ABCA12: variants seen among roughly 807,000 people sequenced by gnomAD.
ABCA12 encodes ATP binding cassette subfamily A member 12.
Under a neutral mutation model 293.5 loss-of-function variants are expected in ABCA12, and 156 were observed. That is an observed-to-expected ratio of 0.53 (90% CI 0.47 to 0.61). The LOEUF is 0.61. ABCA12 is among the 20% of genes least tolerant of loss of function. The pLI is 0.00. For synonymous variants in ABCA12, 1,063 were observed against 1,108.0 expected (o/e 0.96, Z 0.81); for missense variants, 2,797 against 3,090.2 (o/e 0.91, Z 2.25).
In ABCA12 at chr2:215,090,691, C is replaced by T. The variant is rs191713942; in HGVS notation, c.163+20906G>A. Among the ~76,000 whole-genome samples the T allele has an allele frequency of 3.9e-4, 60 of 152,182 alleles. 1 individual carries two copies. In the South Asian group the frequency reaches 1.0e-2, roughly 25 times the overall value. On this transcript the variant is annotated intron_variant, in intron 2 of 52. Transcript: ENST00000272895. Reference sequence around the variant, plus strand: ...ACTTTTCAGAGGTGTCTGATCACCACGGGGATGCCTGTCTTGATCCTTCAC... The same window carrying T: ...ACTTTTCAGAGGTGTCTGATCACCATGGGGATGCCTGTCTTGATCCTTCAC...
intron 2 of ABCA12, among the ~76,000 whole-genome samples, chr2:215,103,639 T>C (rs1291399569): frequency 6.6e-6 from 1 of 152,090 alleles, no homozygotes; most frequent in Admixed American, 6.6e-5. Flanking sequence ...GATACTAGAT[T>C]AGCTTCATGA....
intron 49 of ABCA12, among the ~76,000 whole-genome samples, chr2:214,944,730 G>A (rs1215403670): frequency 6.6e-6 from 1 of 151,980 alleles, no homozygotes; most frequent in East Asian, 1.9e-4. Flanking sequence ...CTTAGACTCC[G>A]TCCCACCACA....
intron 1 of ABCA12, among the ~76,000 whole-genome samples, chr2:215,133,209 C>T (rs1208974372): frequency 9.8e-6 from 1 of 102,012 alleles, no homozygotes; most frequent in East Asian, 3.6e-4. Context: ...TTTGGATGAT[C>T]TGGTGACTAC....
intron 2 of ABCA12, among the ~76,000 whole-genome samples, chr2:215,081,806 C>G (rs1523715): frequency 6.6e-6 from 1 of 151,892 alleles, no homozygotes; most frequent in African/African-American, 2.4e-5. Context: ...AGAAAGAGAC[C>G]TGGAAGACAA....
intron 7 of ABCA12, among the ~76,000 whole-genome samples, chr2:215,043,717 A>T (rs555050048): frequency 6.6e-6 from 1 of 152,242 alleles, no homozygotes; most frequent in African/African-American, 2.4e-5. Flanking sequence ...GTATAAACTT[A>T]CGGGGTACAA....
chr2:215,073,808 T>C (rs1350254601), intron 2 of ABCA12, among the ~76,000 whole-genome samples: 1 of 152,190 alleles, frequency 6.6e-6, no homozygotes, highest in East Asian at 1.9e-4. Context: ...GAGGATTTAA[T>C]TCCTCTCCTG....
At chr2:214,938,778 A>G (rs575344246) in intron 50 of ABCA12, among the ~76,000 whole-genome samples, 2 of 152,178 alleles carry the variant, frequency 1.3e-5, no homozygotes, top group Non-Finnish European at 2.9e-5. Context: ...GTGTCTGTTC[A>G]TATCCTTTGA....
At chr2:215,041,860 C>T (rs1701108413) in intron 7 of ABCA12, among the ~76,000 whole-genome samples, 3 of 152,160 alleles carry the variant, frequency 2.0e-5, no homozygotes, top group Non-Finnish European at 4.4e-5. Flanking sequence ...AAATATGCAA[C>T]AACATGGATG....
chr2:214,946,241 A>T (rs868652402), intron 48 of ABCA12, among the ~76,000 whole-genome samples: 6 of 152,248 alleles, frequency 3.9e-5, no homozygotes, highest in Middle Eastern at 6.8e-3. Flanking sequence ...ATAATTTTTT[A>T]AAAAATAAAG....
At chr2:215,098,841 C>T (rs1013104461) in intron 2 of ABCA12, among the ~76,000 whole-genome samples, 4 of 152,194 alleles carry the variant, frequency 2.6e-5, no homozygotes, top group African/African-American at 9.7e-5. Flanking sequence ...AGTGCCTCAA[C>T]GTGCAGGCCC....
At chr2:214,992,293 A>C (rs1439736717) in intron 23 of ABCA12, among the ~76,000 whole-genome samples, 1 of 151,656 alleles carries the variant, frequency 6.6e-6, no homozygotes, top group African/African-American at 2.4e-5. Context: ...ATACAGAAAA[A>C]TTAGCCAGGA....
chr2:214,945,833 G>A (rs1024692622), intron 48 of ABCA12, among the ~76,000 whole-genome samples: 1 of 152,114 alleles, frequency 6.6e-6, no homozygotes, highest in Non-Finnish European at 1.5e-5. Context: ...ACAGAATGAT[G>A]TAAAATCTAA....
chr2:214,935,591 G>T (rs1299366422), intron 51 of ABCA12, among the ~76,000 whole-genome samples: 1 of 152,166 alleles, frequency 6.6e-6, no homozygotes, highest in Non-Finnish European at 1.5e-5. Flanking sequence ...CGGGCCAGGA[G>T]TTCAAGACCA....
At chr2:215,061,069 C>T (rs1701518024) in intron 3 of ABCA12, among the ~76,000 whole-genome samples, 1 of 151,958 alleles carries the variant, frequency 6.6e-6, no homozygotes, top group Non-Finnish European at 1.5e-5. Flanking sequence ...GCCAGGGGCT[C>T]CCACTGTGCT....
intron 3 of ABCA12, among the ~76,000 whole-genome samples, chr2:215,062,645 G>C (rs1701552934): frequency 6.6e-6 from 1 of 151,732 alleles, no homozygotes; most frequent in South Asian, 2.1e-4. Context: ...CTTCTAAATG[G>C]TTGGGTTTGT....
In ABCA12 at chr2:214,990,879, C is replaced by G. The variant is rs560491432; in HGVS notation, c.3447G>C (p.Leu1149=). Reference sequence around the variant, plus strand: ...CCGAGAAGCTGTAGTCCGAAAAATACAGGAACAAAATGAACCCATTTGTTT... The same window carrying G: ...CCGAGAAGCTGTAGTCCGAAAAATAGAGGAACAAAATGAACCCATTTGTTT... ...LPKTNGFILF[L]YFSDYSFSVI... The change falls in exon 24 of 53, where the codon CTG becomes CTC. Residue 1149 remains leucine (L), a synonymous_variant. Transcript: ENST00000272895. The G allele has an allele frequency of 1.2e-6, 2 of 1,613,976 alleles. No individual in the cohort carries two copies. Among genetic ancestry groups the G allele is most frequent in the African/African-American group, 2.7e-5 (2 of 75,008 alleles).
At position 214,987,707 on chromosome 2, in the gene ABCA12, C is replaced by G. The variant is rs2105972857; in HGVS notation, c.3916G>C (p.Glu1306Gln). The change falls in exon 27 of 53, where the codon GAG becomes CAG. Residue 1306 changes from glutamate to glutamine, a missense_variant. Coordinates refer to ENST00000272895, the MANE Select transcript of ABCA12 (RefSeq NM_173076.3). ...ERFGCAEVKP[E>Q]KSNGLMFTNI... ...GTAAACATGAGGCCATTGCTCTTCTCAGGCTTCACCTCTGCACACCCAAAT... is the reference window on the plus strand; with the variant it reads ...GTAAACATGAGGCCATTGCTCTTCTGAGGCTTCACCTCTGCACACCCAAAT... The G allele has an allele frequency of 6.2e-7, 1 of 1,614,100 alleles. No homozygotes were observed. Among genetic ancestry groups the G allele is most frequent in the Non-Finnish European group, 8.5e-7 (1 of 1,179,996 alleles).
intron 9 of ABCA12, among the ~76,000 whole-genome samples, chr2:215,028,320 GA>G (rs1700795136): frequency 1.3e-5 from 2 of 152,170 alleles, no homozygotes; most frequent in Non-Finnish European, 1.5e-5. Flanking sequence ...AAAAGAAAAA[GA>G]AATACATGGC....
At position 215,001,787 on chromosome 2, in the gene ABCA12, G is replaced by C. The variant is rs369083838; in HGVS notation, c.2684-50C>G. On this transcript the variant is annotated intron_variant, in intron 20 of 52. Coordinates refer to ENST00000272895, the MANE Select transcript of ABCA12 (RefSeq NM_173076.3). ...AAAAAAAAATTATGGTCCTGATTCT[G>C]GTCGTAATTAGATGAAATACTGATT... The C allele has an allele frequency of 3.9e-5, 60 of 1,525,658 alleles. No homozygotes were observed. The Middle Eastern group carries it at 5.7e-4, about 15-fold the overall frequency. The allele number at this position is 1,525,658 out of a possible 1,614,324, so 94.5% of individuals were successfully genotyped here.
Sources: gnomAD v4.1 joint callset for allele counts (sites outside exome capture counted in the v4.1 genomes callset) on GRCh38, gnomAD v4.1.1 for gene constraint, MANE v1.5 for transcripts, NCBI Gene and HGNC (gene_info 2026-07-23, HGNC 2026-07-21) for gene names.